Variants in GAB2 observed in about 807,000 individuals in gnomAD.
GAB2 encodes the protein GRB2-associated-binding protein 2.
GAB2 carries 26 observed loss-of-function variants against 65.5 expected under a neutral mutation model. The ratio of observed to expected loss-of-function variants is 0.40; its 90% CI spans 0.29 to 0.55. GAB2 has a LOEUF of 0.55. Ranked by LOEUF, GAB2 falls within the 20% of genes least tolerant of loss-of-function variation. The probability of loss-of-function intolerance (pLI) is 0.53; values close to 1 mark genes in which losing one functional copy is unlikely to be tolerated. For missense variants in GAB2, 884 were observed against 875.8 expected (o/e 1.01, Z -0.12); for synonymous variants, 321 against 329.6 (o/e 0.97, Z 0.28).
chr11:78,417,516 T>G, intron 1 of GAB2, 130 bp downstream of exon 1: 2 of 295,716 alleles, frequency 6.8e-6, no homozygotes, highest in Non-Finnish European at 1.0e-5. Flanking sequence ...CCCCGGCCGC[T>G]CCTCGCCCCC....
intron 3 of GAB2, among the ~76,000 whole-genome samples, chr11:78,242,731 G>A (rs1221341177): frequency 6.6e-6 from 1 of 150,780 alleles, no homozygotes; most frequent in Non-Finnish European, 1.5e-5. Flanking sequence ...AGTAAAAGGG[G>A]AAAAAAAAGA....
At position 78,355,469 on chromosome 11, in the gene GAB2, T is replaced by C. The variant is rs959924722; in HGVS notation, c.75+62177A>G. Among the ~76,000 whole-genome samples, 19 of 152,246 alleles carry C rather than the reference T, an allele frequency of 1.2e-4. No homozygotes were observed. The East Asian group carries it at 3.7e-3, about 29-fold the overall frequency. ...GAATTCTTGCCTCTACTCTGACCCA[T>C]GTATCAGTGTCAGGTCATCTTTATC... On this transcript the variant is annotated intron_variant, in intron 1 of 9. Transcript: ENST00000361507.
At position 78,226,835 on chromosome 11, in the gene GAB2, C is replaced by T. The variant is rs1200998223; in HGVS notation, c.837G>A (p.Lys279=). 6.2e-7 allele frequency: 1 copy of T among 1,614,008 alleles called. No homozygotes were observed. ...PRSLASHGHT[K]GSLTGSETDN... ...CTGTCTCGGAGCCTGTGAGGCTGCC[C>T]TTGGTGTGGCCATGGGAGGCCAGGC... Residue 279 remains lysine, a synonymous_variant, in exon 4 of 10, where the codon AAG becomes AAA. Transcript: ENST00000361507.
intron 1 of GAB2, among the ~76,000 whole-genome samples, chr11:78,410,139 G>C (rs1857107844): frequency 1.3e-5 from 2 of 152,208 alleles, no homozygotes; most frequent in Admixed American, 6.5e-5. Context: ...GCAGTGCTGA[G>C]AGGGAAATTC....
chr11:78,410,980 C>A (rs1238858335), intron 1 of GAB2, among the ~76,000 whole-genome samples: 1 of 149,304 alleles, frequency 6.7e-6, no homozygotes, highest in Non-Finnish European at 1.5e-5. Flanking sequence ...GAGACCCTGT[C>A]TCTACAAATA....
intron 1 of GAB2, among the ~76,000 whole-genome samples, chr11:78,332,790 C>CT (rs1451930169): frequency 6.6e-6 from 1 of 152,172 alleles, no homozygotes; most frequent in Non-Finnish European, 1.5e-5. Flanking sequence ...TGTTTATTGA[C>CT]TTTGAGAAAG....
intron 1 of GAB2, among the ~76,000 whole-genome samples, chr11:78,398,236 C>T (rs12099410): frequency 0.03 from 4,595 of 152,228 alleles, 216 homozygotes; most frequent in African/African-American, 0.1. Flanking sequence ...AGAAAATCTT[C>T]GCAGTGAACT....
chr11:78,326,214 A>G (rs1855820339), intron 1 of GAB2, among the ~76,000 whole-genome samples: 1 of 152,240 alleles, frequency 6.6e-6, no homozygotes, highest in Non-Finnish European at 1.5e-5. Flanking sequence ...TTTATGAAAG[A>G]TGCTTCCAAC....
At chr11:78,282,462 C>T (rs1277767106) in intron 1 of GAB2, among the ~76,000 whole-genome samples, 1 of 152,058 alleles carries the variant, frequency 6.6e-6, no homozygotes, top group Non-Finnish European at 1.5e-5. Flanking sequence ...ATGCCCACCA[C>T]CACACCCGGC....
intron 1 of GAB2, among the ~76,000 whole-genome samples, chr11:78,381,050 A>G (rs1319241685): frequency 6.6e-6 from 1 of 152,194 alleles, no homozygotes; most frequent in Non-Finnish European, 1.5e-5. Context: ...GGCCATACTT[A>G]AGCTTTGTAC....
At chr11:78,250,528 C>T (rs1865425524) in intron 2 of GAB2, 128 bp from the exon 3 acceptor site, 1 of 798,034 alleles carries the variant, frequency 1.3e-6, no homozygotes, top group South Asian at 1.7e-5. Context: ...TTCTCTCCCT[C>T]TCATATACCT....
chr11:78,345,341 A>G (rs1194326687), intron 1 of GAB2, among the ~76,000 whole-genome samples: 3 of 152,154 alleles, frequency 2.0e-5, no homozygotes, highest in Non-Finnish European at 1.5e-5. Context: ...AATAGATGAA[A>G]CTAGAGCTAT....
intron 1 of GAB2, among the ~76,000 whole-genome samples, chr11:78,383,317 C>T (rs569617201): frequency 6.6e-6 from 1 of 152,122 alleles, no homozygotes; most frequent in Non-Finnish European, 1.5e-5. Context: ...GAAAAGGCTG[C>T]AAGTCATGAC....
intron 3 of GAB2, chr11:78,231,867 G>A (rs1864861010): frequency 6.6e-6 from 1 of 152,226 alleles, no homozygotes; most frequent in Non-Finnish European, 1.5e-5. Context: ...ATGCTTGTAA[G>A]TAGATTAAAC....
At chr11:78,222,448 G>A (rs1247260981) in intron 6 of GAB2, among the ~76,000 whole-genome samples, 6 of 150,660 alleles carry the variant, frequency 4.0e-5, no homozygotes, top group Admixed American at 4.0e-4. Context: ...ATCAAAAGTG[G>A]GGACACAGGG....
chr11:78,370,987 T>C (rs1465972567), intron 1 of GAB2, among the ~76,000 whole-genome samples: 2 of 152,160 alleles, frequency 1.3e-5, no homozygotes, highest in Non-Finnish European at 2.9e-5. Context: ...CATGAGTTGC[T>C]GTAGTTCTCT....
chr11:78,342,843 A>G lies in GAB2; in HGVS notation c.76-61942T>C, dbSNP rs555098645. On this transcript the variant is annotated intron_variant, in intron 1 of 9. Coordinates refer to ENST00000361507, the MANE Select transcript of GAB2 (RefSeq NM_080491.3). The stretch of plus-strand genomic sequence containing the variant: ...TACAGAACATGTATTTAGTACAAGT[A>G]GGAGGCTCTTAAGCACTTGCTGAAA... Among the ~76,000 whole-genome samples, 9 of 152,340 alleles carry G rather than the reference A, an allele frequency of 5.9e-5. No individual in the cohort carries two copies. In the South Asian group the frequency reaches 1.9e-3, roughly 32 times the overall value.
intron 1 of GAB2, among the ~76,000 whole-genome samples, chr11:78,319,788 G>A (rs919980129): frequency 5.9e-5 from 9 of 152,048 alleles, no homozygotes; most frequent in African/African-American, 2.2e-4. Flanking sequence ...ACTGTGCCAC[G>A]GGCTGAGGAT....
rs114582380 is a variant in GAB2, at chr11:78,296,828, G to A, written c.76-15927C>T. 8.0e-3 allele frequency among the ~76,000 whole-genome samples: 1,222 copies of A among 152,270 alleles called. 19 individuals are homozygous for A. The highest frequency in any genetic ancestry group is 0.027 in the African/African-American group (1,134 of 41,532). ...AAACATGAAATTTACAGTCCACAGTGCTGGAGGCTGGAAAGTCCAGGATCA... is the reference window on the plus strand; with the variant it reads ...AAACATGAAATTTACAGTCCACAGTACTGGAGGCTGGAAAGTCCAGGATCA... On this transcript the variant is annotated intron_variant, in intron 1 of 9. Transcript: ENST00000361507.
Sources: gnomAD v4.1 joint callset for allele counts (sites outside exome capture counted in the v4.1 genomes callset) on GRCh38, gnomAD v4.1.1 for gene constraint, MANE v1.5 for transcripts, NCBI Gene and HGNC (gene_info 2026-07-23, HGNC 2026-07-21) for gene names.